Variants in FGF12 observed in about 807,000 individuals in gnomAD.
The protein encoded by FGF12 is fibroblast growth factor 12, also known as fibroblast growth factor 12B.
FGF12 carries 14 observed loss-of-function variants against 23.6 expected under a neutral mutation model. The observed-to-expected ratio is 0.59, with a 90% CI of 0.39 to 0.93. FGF12 has a LOEUF of 0.93. FGF12 is among the 40% of genes least tolerant of loss of function. The pLI is 0.00. For missense variants in FGF12, 175 were observed against 217.8 expected (o/e 0.80, Z 1.24); for synonymous variants, 62 against 77.3 (o/e 0.80, Z 1.04).
At chr3:192,224,308 C>T (rs1221200156) in intron 4 of FGF12, among the ~76,000 whole-genome samples, 1 of 152,028 alleles carries the variant, frequency 6.6e-6, no homozygotes, top group African/African-American at 2.4e-5. Flanking sequence ...TACTCCAGTC[C>T]TTCGAAAACA....
In FGF12 at chr3:192,143,726, A is replaced by T; in HGVS notation, c.*283T>A. 3.2e-6 allele frequency: 1 copy of T among 313,558 alleles called. No homozygotes were observed. The highest frequency in any genetic ancestry group is 5.8e-6 in the Non-Finnish European group (1 of 171,412). The allele number at this position is 313,558 out of a possible 1,614,324, so 19.4% of individuals were successfully genotyped here. A position where few individuals can be genotyped will look rare whatever the true frequency, so the allele number is the denominator to read the frequency against. On this transcript the variant is annotated 3_prime_UTR_variant, in exon 6 of 6. Transcript: ENST00000445105. The stretch of plus-strand genomic sequence containing the variant: ...ATTAGCCTTCTACTAATAACAATAC[A>T]GTTTAATTTAATATTTATGGAGTTC...
chr3:192,350,454 C>T (rs1718167921), intron 3 of FGF12, among the ~76,000 whole-genome samples: 1 of 152,028 alleles, frequency 6.6e-6, no homozygotes, highest in African/African-American at 2.4e-5. Flanking sequence ...AAGATGAAAA[C>T]AAAATTCAAG....
chr3:192,487,866 G>A (rs1204835228), intron 2 of FGF12, among the ~76,000 whole-genome samples: 1 of 152,006 alleles, frequency 6.6e-6, no homozygotes, highest in Non-Finnish European at 1.5e-5. Context: ...ATTTTAACTT[G>A]TTCATTACTG....
chr3:192,270,585 C>T (rs1713368831), intron 4 of FGF12, among the ~76,000 whole-genome samples: 1 of 152,046 alleles, frequency 6.6e-6, no homozygotes, highest in African/African-American at 2.4e-5. Flanking sequence ...AGCCAAGTCA[C>T]AAAAAATTAA....
rs190818206 is a variant in FGF12 at position 192,648,706 on chromosome 3, G to A, written c.13+78475C>T. ...GTGCTCCAAAATTTACGCAAAATATGAAGGATGAGAAATGGCATTAGAAGG... is the reference window on the plus strand; with the variant it reads ...GTGCTCCAAAATTTACGCAAAATATAAAGGATGAGAAATGGCATTAGAAGG... On this transcript the variant is annotated intron_variant, in intron 2 of 5. Transcript: ENST00000445105. Among the ~76,000 whole-genome samples, 7 of 152,210 alleles carry A rather than the reference G, an allele frequency of 4.6e-5. 1 individual carries two copies. The highest frequency in any genetic ancestry group is 9.6e-5 in the African/African-American group (4 of 41,524).
intron 2 of FGF12, among the ~76,000 whole-genome samples, chr3:192,486,943 T>A (rs1723652636): frequency 6.6e-6 from 1 of 152,122 alleles, no homozygotes; most frequent in Non-Finnish European, 1.5e-5. Context: ...ATTATTAAAA[T>A]CATGAGATTT....
At chr3:192,549,893 C>T (rs1337929492) in intron 2 of FGF12, among the ~76,000 whole-genome samples, 1 of 152,090 alleles carries the variant, frequency 6.6e-6, no homozygotes, top group Non-Finnish European at 1.5e-5. Flanking sequence ...GGCCTTCAGA[C>T]TTGGACAGAA....
chr3:192,427,237 C>T (rs1033246817), intron 2 of FGF12, among the ~76,000 whole-genome samples: 2 of 151,896 alleles, frequency 1.3e-5, no homozygotes, highest in Admixed American at 6.6e-5. Context: ...AAAAATTAGC[C>T]GGATGTGGTG....
At chr3:192,688,079 C>T (rs113135472) in intron 2 of FGF12, among the ~76,000 whole-genome samples, 1,965 of 152,186 alleles carry the variant, frequency 0.013, 45 homozygotes, top group African/African-American at 0.046. Context: ...TGAGCACACG[C>T]ACACCACTGA....
At chr3:192,634,480 T>C (rs914937311) in intron 2 of FGF12, among the ~76,000 whole-genome samples, 7 of 152,186 alleles carry the variant, frequency 4.6e-5, no homozygotes, top group African/African-American at 1.7e-4. Flanking sequence ...CCATTTTACA[T>C]AAAGGACTTG....
At chr3:192,227,071 G>A (rs1011769677) in intron 4 of FGF12, among the ~76,000 whole-genome samples, 10 of 152,044 alleles carry the variant, frequency 6.6e-5, no homozygotes, top group African/African-American at 1.9e-4. Flanking sequence ...CCTTAATCTT[G>A]AGCTCCCAGC....
intron 2 of FGF12, among the ~76,000 whole-genome samples, chr3:192,491,071 G>T (rs914526714): frequency 1.3e-5 from 2 of 152,088 alleles, no homozygotes; most frequent in African/African-American, 2.4e-5. Flanking sequence ...GTTTACTCAG[G>T]CCAAAGAATT....
intron 2 of FGF12, among the ~76,000 whole-genome samples, chr3:192,591,869 G>A (rs1713639281): frequency 6.6e-6 from 1 of 151,776 alleles, no homozygotes. Context: ...GGAAAGCTGG[G>A]ACTAGATTAT....
At chr3:192,293,209 T>G (rs542953363) in intron 4 of FGF12, among the ~76,000 whole-genome samples, 2 of 152,014 alleles carry the variant, frequency 1.3e-5, no homozygotes, top group Admixed American at 6.6e-5. Context: ...TTTCTCTGGT[T>G]AATCTAATTC....
intron 2 of FGF12, among the ~76,000 whole-genome samples, chr3:192,379,790 T>C (rs1303485507): frequency 3.9e-5 from 6 of 152,218 alleles, no homozygotes. Flanking sequence ...TGCTCCAGGA[T>C]TCAGGAGACT....
chr3:192,710,798 A>T (rs988623467), intron 2 of FGF12, among the ~76,000 whole-genome samples: 1 of 152,228 alleles, frequency 6.6e-6, no homozygotes, highest in Admixed American at 6.5e-5. Flanking sequence ...TGCATAGTGG[A>T]CAGAGTGAAT....
rs1718692115 is a variant in FGF12, at chr3:192,360,872, C to G, written c.14-334G>C. Among the ~76,000 whole-genome samples, 1 of 152,040 alleles carries G rather than the reference C, an allele frequency of 6.6e-6. No individual in the cohort carries two copies. Among genetic ancestry groups the G allele is most frequent in the South Asian group, 2.1e-4 (1 of 4,822 alleles). ...ATTTCACCAACTTTATAGTCCCATT[C>G]CAGAATTATTGTTTAGGCCAAAATG... On this transcript the variant is annotated intron_variant, in intron 2 of 5. Transcript: ENST00000445105. The surrounding 1 kb of genome is among the most constrained non-coding windows in gnomAD (Gnocchi z 4.3).
chr3:192,506,946 T>C (rs1001420064), intron 2 of FGF12, among the ~76,000 whole-genome samples: 14 of 149,326 alleles, frequency 9.4e-5, no homozygotes, highest in Middle Eastern at 3.6e-3. Flanking sequence ...GGCTGGAGTG[T>C]AGTGGTGTGA....
intron 2 of FGF12, among the ~76,000 whole-genome samples, chr3:192,427,054 G>GAAAA (rs1721708189): frequency 6.6e-6 from 1 of 152,042 alleles, no homozygotes; most frequent in African/African-American, 2.4e-5. Flanking sequence ...TTTTTCCTGG[G>GAAAA]ACTTTTCAAT....
Sources: allele counts gnomAD v4.1 joint callset (sites outside exome capture counted in the v4.1 genomes callset), GRCh38; gene constraint gnomAD v4.1.1; non-coding constraint Gnocchi (gnomAD v3.1); transcripts MANE v1.5; gene names NCBI Gene and HGNC (gene_info 2026-07-23, HGNC 2026-07-21).